Variants in WDR1 observed in about 807,000 individuals in gnomAD.
WDR1 encodes WD repeat domain 1, also known as WD repeat-containing protein 1.
WDR1 carries 21 observed loss-of-function variants against 71.9 expected under a neutral mutation model. The ratio of observed to expected loss-of-function variants is 0.29; its 90% confidence interval spans 0.21 to 0.42. The LOEUF (loss-of-function observed/expected upper bound fraction) is 0.42, where lower values mean the gene tolerates loss of function less well. Among genes scored for constraint, WDR1 ranks in the 10% least tolerant of loss-of-function variants. The probability of loss-of-function intolerance (pLI) is 1.00; values close to 1 mark genes in which losing one functional copy is unlikely to be tolerated. For synonymous variants in WDR1, 424 were observed against 347.4 expected (o/e 1.22, Z -2.45); for missense variants, 696 against 824.5 (o/e 0.84, Z 1.91).
At chr4:10,113,085 G>A (rs534344612) in intron 2 of WDR1, among the ~76,000 whole-genome samples, 19 of 152,356 alleles carry the variant, frequency 1.2e-4, no homozygotes, top group African/African-American at 4.1e-4. Flanking sequence ...GCCTAGTGTG[G>A]TGGCTCACGC....
chr4:10,083,310 G>A (rs1765087303), intron 9 of WDR1, 132 bp from the exon 10 acceptor site: 2 of 1,206,174 alleles, frequency 1.7e-6, no homozygotes, highest in African/African-American at 1.5e-5. Context: ...CATTCCCCCT[G>A]GGAAGCCTGC....
intron 2 of WDR1, among the ~76,000 whole-genome samples, chr4:10,105,093 C>T (rs953422379): frequency 1.1e-4 from 17 of 152,220 alleles, no homozygotes; most frequent in Non-Finnish European, 4.4e-5. Flanking sequence ...CCTCTCCCTG[C>T]CTACGGACAC....
intron 13 of WDR1, 33 bp from the exon 14 acceptor site, chr4:10,077,481 G>A (rs1178457258): frequency 1.2e-6 from 2 of 1,613,670 alleles, no homozygotes; most frequent in South Asian, 2.2e-5. Flanking sequence ...AGAGGTGGCA[G>A]GTCAGGTTCA....
chr4:10,114,770 T>A (rs189188863), intron 2 of WDR1, among the ~76,000 whole-genome samples: 49 of 152,332 alleles, frequency 3.2e-4, no homozygotes, highest in Admixed American at 3.9e-4. Context: ...TTTCTAGGAA[T>A]CTGTGTGACT....
At chr4:10,097,325 C>T (rs187005987) in intron 5 of WDR1, among the ~76,000 whole-genome samples, 24 of 152,380 alleles carry the variant, frequency 1.6e-4, no homozygotes, top group Non-Finnish European at 2.9e-4. Flanking sequence ...CTGGATGTCC[C>T]GCAAGCTCCC....
At position 10,087,791 on chromosome 4, in the gene WDR1, C is replaced by T; in HGVS notation, c.867G>A (p.Lys289=). The T allele has an allele frequency of 6.3e-7, 1 of 1,598,656 alleles. No individual in the cohort carries two copies. Among genetic ancestry groups the T allele is most frequent in the East Asian group, 2.3e-5 (1 of 44,234 alleles). The change falls in exon 8 of 15, where the codon AAG becomes AAA. Residue 289 remains lysine (K), a synonymous_variant. Coordinates refer to ENST00000499869, the MANE Select transcript of WDR1 (RefSeq NM_017491.5). ...ACAGGGAGACACTGAGCAGGTGGTC[C>T]TTCTGCCATAGGCAGCCCAGCTGCT... ...LDQQLGCLWQ[K]DHLLSVSLSG...
rs1397091572 is a variant in WDR1 at position 10,075,364 on chromosome 4, G to A, written c.*14C>T. On this transcript the variant is annotated 3_prime_UTR_variant, in exon 15 of 15. Transcript: ENST00000499869. ...TCCCTGATTCGGTCCATCCAGAGGC[G>A]GGGGTGGGGCTCCTCAGTAGGTGAT... 21 of 1,607,962 alleles carry A rather than the reference G, an allele frequency of 1.3e-5. No individual in the cohort carries two copies. Among genetic ancestry groups the A allele is most frequent in the East Asian group, 2.2e-5 (1 of 44,838 alleles).
chr4:10,088,670 G>T lies in WDR1; in HGVS notation c.630C>A (p.Asp210Glu), dbSNP rs375499807. Residue 210 changes from aspartate to glutamate, a missense_variant, in exon 6 of 15, where the codon GAC (aspartate) becomes GAA (glutamate). Asp to Glu is a conservative substitution (Grantham distance 45). Transcript: ENST00000499869. ...DGNRFATASA[D>E]GQIYIYDGKT... is the part of the protein sequence containing the mutation. ...AACCCATCCCAGTTCTTACCTGGCC[G>T]TCAGCACTGGCTGTGGCAAATCTGT... 5.0e-6 allele frequency: 8 copies of T among 1,605,036 alleles called. No homozygotes were observed.
At chr4:10,103,267 TACACACACACACACACACACAGACAC>T (rs1276467589) in intron 3 of WDR1, among the ~76,000 whole-genome samples, 8 of 143,016 alleles carry the variant, frequency 5.6e-5, no homozygotes, top group South Asian at 4.6e-4. Context: ...CATTCACACA[TACACACACACACACACACACAGACAC>T]ACACACACAC....
At chr4:10,084,296 C>T (rs1560530971) in intron 9 of WDR1, 147 bp downstream of exon 9, 1 of 686,276 alleles carries the variant, frequency 1.5e-6, no homozygotes, top group South Asian at 1.7e-5. Context: ...AGACAGGCCA[C>T]CCCTAGAAGC....
chr4:10,107,143 G>A (rs1391045556), intron 2 of WDR1, among the ~76,000 whole-genome samples: 2 of 152,152 alleles, frequency 1.3e-5, no homozygotes, highest in Admixed American at 1.3e-4. Context: ...ATCTCCCTGG[G>A]GGCCTGGGGG....
rs1489072708 is a variant in WDR1 at position 10,083,108 on chromosome 4, C to G, written c.1110G>C (p.Arg370Ser). ...AGKGHTNQVS[R>S]MTVDESGQLI... ...GCTGCCCCGACTCATCCACGGTCATCCTGGACACCTGGTTCGTGTGGCCTT... is the reference window on the plus strand; with the variant it reads ...GCTGCCCCGACTCATCCACGGTCATGCTGGACACCTGGTTCGTGTGGCCTT... Residue 370 changes from arginine to serine, a missense_variant, in exon 10 of 15, where the codon AGG becomes AGC. Transcript: ENST00000499869. The G allele has an allele frequency of 6.2e-7, 1 of 1,613,826 alleles. No individual in the cohort carries two copies. The highest frequency in any genetic ancestry group is 8.5e-7 in the Non-Finnish European group (1 of 1,179,890).
intron 10 of WDR1, 136 bp downstream of exon 10, chr4:10,082,886 A>G (rs1765069566): frequency 8.5e-7 from 1 of 1,175,990 alleles, no homozygotes; most frequent in Non-Finnish European, 1.2e-6. Context: ...CAACAGGAGA[A>G]CAATGCTGGG....
Position 10,087,690 on chromosome 4 carries a change from C to T in WDR1, c.951+17G>A. Reference sequence around the variant, plus strand: ...TGTCCACCCAGCGGGCAGAGCCTTCCCCAGGGCAGGCCTTACCTTGATGAC... The same window carrying T: ...TGTCCACCCAGCGGGCAGAGCCTTCTCCAGGGCAGGCCTTACCTTGATGAC... On this transcript the variant is annotated intron_variant, in intron 8 of 14. Transcript: ENST00000499869. The T allele has an allele frequency of 6.4e-7, 1 of 1,565,778 alleles. No individual in the cohort carries two copies. Among genetic ancestry groups the T allele is most frequent in the African/African-American group, 1.4e-5 (1 of 74,030 alleles).
Position 10,084,550 on chromosome 4 carries a change from G to A in WDR1, c.952-20C>T, listed in dbSNP as rs774718298. 7.4e-6 allele frequency: 12 copies of A among 1,612,014 alleles called. No individual in the cohort carries two copies. Among genetic ancestry groups the A allele is most frequent in the Non-Finnish European group, 7.6e-6 (9 of 1,178,548 alleles). ...GTGACCCTGTGAAGGAGACACACTG[G>A]GCGGGTAAGCTGATGACACACTGCC... On this transcript the variant is annotated intron_variant, in intron 8 of 14. Transcript: ENST00000499869.
At chr4:10,080,848 C>G (rs1444181663) in intron 11 of WDR1, among the ~76,000 whole-genome samples, 1 of 152,234 alleles carries the variant, frequency 6.6e-6, no homozygotes, top group East Asian at 1.9e-4. Flanking sequence ...CTCTAGGCCT[C>G]AGCCTCCTCA....
chr4:10,112,120 A>AT (rs1468789558), intron 2 of WDR1, among the ~76,000 whole-genome samples: 1 of 151,784 alleles, frequency 6.6e-6, no homozygotes, highest in African/African-American at 2.4e-5. Context: ...AGGCTGGGTA[A>AT]TTTTTATTGT....
At chr4:10,116,367 A>T (rs777975748) in intron 1 of WDR1, 133 bp from the exon 2 acceptor site, 10 of 1,348,084 alleles carry the variant, frequency 7.4e-6, no homozygotes, top group Non-Finnish European at 1.0e-5. Flanking sequence ...TCCACTTTCC[A>T]CGAGCGCCAG....
At chr4:10,077,611 G>T in intron 13 of WDR1, 142 bp downstream of exon 13, 1 of 1,443,502 alleles carries the variant, frequency 6.9e-7, no homozygotes, top group Non-Finnish European at 9.3e-7. Context: ...CAGAAGCATG[G>T]CACGAGGCAC....
Sources: gnomAD v4.1 joint callset for allele counts (sites outside exome capture counted in the v4.1 genomes callset) on GRCh38, gnomAD v4.1.1 for gene constraint, MANE v1.5 for transcripts, NCBI Gene and HGNC (gene_info 2026-07-23, HGNC 2026-07-21) for gene names.